The following TMX3 variants were observed in gnomAD, a reference collection of about 807,000 sequenced individuals.
TMX3 encodes thioredoxin related transmembrane protein 3.
TMX3 carries 40 observed loss-of-function variants against 64.4 expected under a neutral mutation model. The ratio of observed to expected loss-of-function variants is 0.62; its 90% CI spans 0.48 to 0.81. The LOEUF (loss-of-function observed/expected upper bound fraction) is 0.81. Ranked by LOEUF, TMX3 falls within the 30% of genes least tolerant of loss-of-function variation. The pLI is 0.00. For synonymous variants in TMX3, 189 were observed against 175.7 expected, an observed-to-expected ratio of 1.08 and a Z score of -0.60; for missense variants, 497 against 534.5, an observed-to-expected ratio of 0.93 and a Z score of 0.69.
At chr18:68,681,659 T>C in intron 13 of TMX3, 1 of 984,542 alleles carries the variant, frequency 1.0e-6, no homozygotes, top group Non-Finnish European at 1.2e-6. Context: ...TCGCTCAGTG[T>C]TCTTACTTAG....
Position 68,676,964 on chromosome 18 carries a change from G to T in TMX3, c.1334C>A (p.Pro445His). The T allele has an allele frequency of 6.2e-7, 1 of 1,613,254 alleles. No homozygotes were observed. Among genetic ancestry groups the T allele is most frequent in the East Asian group, 2.2e-5 (1 of 44,862 alleles). Residue 445 changes from proline (P) to histidine (H), a missense_variant, in exon 16 of 16, where the codon CCC (proline) becomes CAC (histidine). Physicochemically the swap from Pro to His is moderately conservative, Grantham distance 77 (BLOSUM62 -2). Coordinates refer to ENST00000299608, the MANE Select transcript of TMX3 (RefSeq NM_019022.5). The part of the protein sequence containing the change: ...GGSVVPTVQE[P>H]KDVLEKKKD ...TTTCTTCTTTTCTAATACATCCTTGGGCTCCTGCACTGTAGGCACTACAGA... is the reference window on the plus strand; with the variant it reads ...TTTCTTCTTTTCTAATACATCCTTGTGCTCCTGCACTGTAGGCACTACAGA...
At chr18:68,678,417 A>G (rs1213467684) in intron 15 of TMX3, among the ~76,000 whole-genome samples, 5 of 152,058 alleles carry the variant, frequency 3.3e-5, no homozygotes, top group Admixed American at 6.6e-5. Flanking sequence ...ACAATTTCGT[A>G]AGAGTGTCAA....
intron 4 of TMX3, among the ~76,000 whole-genome samples, chr18:68,706,567 A>T (rs910178704): frequency 1.3e-5 from 2 of 152,174 alleles, no homozygotes; most frequent in African/African-American, 4.8e-5. Flanking sequence ...TACCCAGGTA[A>T]TTCTATTGCA....
At position 68,676,774 on chromosome 18, in the gene TMX3, C is replaced by T. The variant is rs909711671; in HGVS notation, c.*159G>A. 2 of 859,510 alleles carry T rather than the reference C, an allele frequency of 2.3e-6. No homozygotes were observed. The highest frequency in any genetic ancestry group is 1.7e-5 in the African/African-American group (1 of 58,554). 53.2% of individuals were successfully genotyped at this position (859,510 alleles called of 1,614,324 possible). ...GTTCATCTCTTTGCTCCAAACACTT[C>T]CCCATGTATGGAGGGACTACTTTAA... On this transcript the variant is annotated 3_prime_UTR_variant, in exon 16 of 16. Transcript: ENST00000299608.
chr18:68,699,889 T>C (rs1257643848), intron 6 of TMX3, among the ~76,000 whole-genome samples: 2 of 152,144 alleles, frequency 1.3e-5, no homozygotes, highest in African/African-American at 4.8e-5. Flanking sequence ...ACATTCTAAG[T>C]ATAAAATGCA....
At position 68,698,039 on chromosome 18, in the gene TMX3, A is replaced by G. The variant is rs369423312; in HGVS notation, c.393-8T>C. The G allele has an allele frequency of 6.3e-7, 1 of 1,596,454 alleles. No individual in the cohort carries two copies. The highest frequency in any genetic ancestry group is 1.7e-5 in the Admixed American group (1 of 58,992). On this transcript the variant is annotated splice_polypyrimidine_tract_variant and splice_region_variant and intron_variant, in intron 6 of 15. Coordinates refer to ENST00000299608, the MANE Select transcript of TMX3 (RefSeq NM_019022.5). ...AGTGGCCGAATTAGAGCCCTGTTGC[A>G]CAACAAAACAAAAAACAAACTTGAA...
Position 68,700,388 on chromosome 18 carries a change from C to A in TMX3, c.392+17G>T. On this transcript the variant is annotated intron_variant, in intron 6 of 15. Transcript: ENST00000299608. ...AATATTAATAACATACAGTAAAGGCCTTTCCTAATAACTTACCCAGATACT... is the reference window on the plus strand; with the variant it reads ...AATATTAATAACATACAGTAAAGGCATTTCCTAATAACTTACCCAGATACT... 2 of 1,510,150 alleles carry A rather than the reference C, an allele frequency of 1.3e-6. No homozygotes were observed. The highest frequency in any genetic ancestry group is 8.9e-7 in the Non-Finnish European group (1 of 1,117,642). 93.5% of individuals were successfully genotyped at this position (1,510,150 alleles called of 1,614,324 possible).
chr18:68,700,642 G>T, intron 5 of TMX3, 157 bp from the exon 6 acceptor site: 1 of 791,460 alleles, frequency 1.3e-6, no homozygotes, highest in Non-Finnish European at 1.5e-6. Context: ...GTAGACATTA[G>T]GCTTGCCAGA....
intron 1 of TMX3, 117 bp from the exon 2 acceptor site, chr18:68,714,017 C>A: frequency 1.9e-6 from 1 of 519,786 alleles, no homozygotes; most frequent in South Asian, 3.9e-5. Flanking sequence ...AAATTCATCA[C>A]TGATGCATCC....
intron 14 of TMX3, among the ~76,000 whole-genome samples, chr18:68,680,124 A>C (rs1239649887): frequency 6.6e-6 from 1 of 152,214 alleles, no homozygotes; most frequent in Non-Finnish European, 1.5e-5. Flanking sequence ...AATTATTTTC[A>C]AAAATATTCT....
chr18:68,698,054 A>C (rs758988697), intron 6 of TMX3, 23 bp from the exon 7 acceptor site: 3 of 1,520,562 alleles, frequency 2.0e-6, no homozygotes, highest in Non-Finnish European at 2.7e-6. Flanking sequence ...AAAACAAAAA[A>C]CAAACTTGAA....
chr18:68,684,469 A>T lies in TMX3; in HGVS notation c.753T>A (p.Leu251=). ...ELGDTGKLVA[L]AVIDEKNTSV... ...ATGTATTTTTCTCATCAATAACTGC[A>T]AGAGCCACAAGCTTTCCTGAAATAA... The change falls in exon 11 of 16, where the codon CTT becomes CTA. Residue 251 remains leucine, a synonymous_variant. Coordinates refer to ENST00000299608, the MANE Select transcript of TMX3 (RefSeq NM_019022.5). 6.2e-7 allele frequency: 1 copy of T among 1,612,940 alleles called. No homozygotes were observed. Among genetic ancestry groups the T allele is most frequent in the Non-Finnish European group, 8.5e-7 (1 of 1,179,588 alleles).
At chr18:68,697,053 A>C (rs1021158385) in intron 8 of TMX3, 173 bp downstream of exon 8, 3 of 449,558 alleles carry the variant, frequency 6.7e-6, no homozygotes, top group African/African-American at 4.1e-5. Context: ...AAGCAATCTA[A>C]TACCAGTAGT....
At chr18:68,701,648 T>A (rs768241064) in intron 5 of TMX3, 97 bp downstream of exon 5, 1 of 1,570,346 alleles carries the variant, frequency 6.4e-7, no homozygotes, top group Non-Finnish European at 8.7e-7. Context: ...ACCCCAATCT[T>A]CAATCCTCCA....
chr18:68,709,709 G>A (rs987656058), intron 4 of TMX3, among the ~76,000 whole-genome samples: 1 of 151,960 alleles, frequency 6.6e-6, no homozygotes, highest in African/African-American at 2.4e-5. Flanking sequence ...AGAAAAAAAC[G>A]GATTCTGAAC....
At chr18:68,697,070 T>A (rs1915159774) in intron 8 of TMX3, 156 bp downstream of exon 8, 2 of 491,830 alleles carry the variant, frequency 4.1e-6, no homozygotes, top group Non-Finnish European at 7.2e-6. Context: ...TAGTAAAGAA[T>A]CAGCATGTTT....
chr18:68,685,700 G>A (rs370610375), intron 10 of TMX3, among the ~76,000 whole-genome samples: 27 of 152,070 alleles, frequency 1.8e-4, no homozygotes, highest in African/African-American at 6.3e-4. Flanking sequence ...AAGGCTCTGC[G>A]CTTGTGAAAG....
intron 14 of TMX3, 74 bp downstream of exon 14, chr18:68,680,907 C>A (rs1209606755): frequency 1.5e-6 from 2 of 1,376,168 alleles, no homozygotes; most frequent in African/African-American, 3.0e-5. Flanking sequence ...TTCAGAATCA[C>A]AAGTAAAGAA....
intron 13 of TMX3, chr18:68,681,516 T>C (rs1387393784): frequency 3.0e-6 from 3 of 984,540 alleles, no homozygotes; most frequent in Non-Finnish European, 3.6e-6. Flanking sequence ...TCTGGTACTT[T>C]AATCTTTGGC....
Sources: gnomAD v4.1 joint callset for allele counts (sites outside exome capture counted in the v4.1 genomes callset) on GRCh38, gnomAD v4.1.1 for gene constraint, MANE v1.5 for transcripts, NCBI Gene and HGNC (gene_info 2026-07-23, HGNC 2026-07-21) for gene names.